The following GPATCH2 variants were observed in gnomAD, a reference collection of about 807,000 sequenced individuals.
GPATCH2 encodes the protein G-patch domain containing 2.
A neutral mutation model predicts 58.0 loss-of-function variants in GPATCH2; 51 were observed. That is an observed-to-expected ratio of 0.88 (90% CI 0.70 to 1.11). The LOEUF (loss-of-function observed/expected upper bound fraction) is 1.11. Ranked by LOEUF, GPATCH2 falls within the 50% of genes most tolerant of loss-of-function variation. The pLI, the probability that GPATCH2 is intolerant of heterozygous loss-of-function variation, is 0.00. For synonymous variants in GPATCH2, 222 were observed against 218.5 expected (o/e 1.02, Z -0.14); for missense variants, 625 against 652.2 (o/e 0.96, Z 0.45).
chr1:217,442,315 G>T lies in GPATCH2; in HGVS notation c.1366+6934C>A, dbSNP rs552638111. ...ATGAGAACACATGGACACAGGGAGG[G>T]GACCATCACATACTGGGGCCTCTTG... On this transcript the variant is annotated intron_variant, in intron 9 of 9. Coordinates refer to ENST00000366935, the MANE Select transcript of GPATCH2 (RefSeq NM_018040.5). 2.6e-5 allele frequency among the ~76,000 whole-genome samples: 4 copies of T among 152,182 alleles called. No individual in the cohort carries two copies. In the East Asian group the frequency reaches 7.8e-4, roughly 29 times the overall value.
intron 5 of GPATCH2, among the ~76,000 whole-genome samples, chr1:217,515,256 C>A (rs894992285): frequency 1.3e-5 from 2 of 151,936 alleles, no homozygotes; most frequent in African/African-American, 4.8e-5. Context: ...CCACCACGCC[C>A]GGCTAATTTT....
chr1:217,510,120 A>G (rs879269218), intron 6 of GPATCH2, among the ~76,000 whole-genome samples: 2 of 152,194 alleles, frequency 1.3e-5, no homozygotes, highest in African/African-American at 2.4e-5. Context: ...GCTATACAAC[A>G]GTGGTCTTTA....
chr1:217,514,789 C>A (rs529714510), intron 6 of GPATCH2, 33 bp downstream of exon 6: 52 of 972,588 alleles, frequency 5.3e-5, no homozygotes, highest in Middle Eastern at 4.2e-4. Context: ...TAGAATACTC[C>A]AATAAGGTTA....
intron 5 of GPATCH2, among the ~76,000 whole-genome samples, chr1:217,552,998 A>C (rs1225571789): frequency 6.6e-6 from 1 of 152,166 alleles, no homozygotes; most frequent in Non-Finnish European, 1.5e-5. Flanking sequence ...TTACATATTT[A>C]AGTGATAATA....
At chr1:217,539,361 T>A (rs1178696215) in intron 5 of GPATCH2, among the ~76,000 whole-genome samples, 2 of 152,180 alleles carry the variant, frequency 1.3e-5, no homozygotes, top group Non-Finnish European at 2.9e-5. Context: ...CAATTTACTA[T>A]CTGGAGATTT....
chr1:217,529,940 A>G (rs1664106200), intron 5 of GPATCH2, among the ~76,000 whole-genome samples: 1 of 152,240 alleles, frequency 6.6e-6, no homozygotes, highest in Admixed American at 6.5e-5. Flanking sequence ...ACAAGTAGTA[A>G]AGTACTAAAT....
chr1:217,449,256 A>C lies in GPATCH2; in HGVS notation c.1359T>G (p.Thr453=), dbSNP rs1659543665. 1 of 1,572,760 alleles carries C rather than the reference A, an allele frequency of 6.4e-7. No homozygotes were observed. Among genetic ancestry groups the C allele is most frequent in the Admixed American group, 1.7e-5 (1 of 59,938 alleles). ...RRKAAPLPGP[T]TAGFVGENAQ... is the part of the protein sequence containing the mutation. The stretch of plus-strand genomic sequence containing the variant: ...ACCCTGCTTTTGTTTTACCTGCAGT[A>C]GTAGGTCCAGGCAAAGGTGCAGCTT... Residue 453 remains threonine (T), a synonymous_variant, in exon 9 of 10, where the codon ACT becomes ACG. Coordinates refer to ENST00000366935, the MANE Select transcript of GPATCH2 (RefSeq NM_018040.5).
chr1:217,622,085 T>C (rs1448040459), intron 1 of GPATCH2, among the ~76,000 whole-genome samples: 1 of 152,212 alleles, frequency 6.6e-6, no homozygotes, highest in Non-Finnish European at 1.5e-5. Context: ...ACGATCCCAG[T>C]GGCCAGTTTG....
intron 5 of GPATCH2, among the ~76,000 whole-genome samples, chr1:217,606,938 C>G (rs1346525634): frequency 6.6e-6 from 1 of 152,046 alleles, no homozygotes; most frequent in Non-Finnish European, 1.5e-5. Flanking sequence ...CCTGACGACA[C>G]TTATGCAAAA....
intron 5 of GPATCH2, among the ~76,000 whole-genome samples, chr1:217,535,783 C>T (rs1664430485): frequency 1.3e-5 from 2 of 152,040 alleles, no homozygotes; most frequent in African/African-American, 2.4e-5. Context: ...ACGAGAACAA[C>T]CCCCAGTGTA....
intron 5 of GPATCH2, among the ~76,000 whole-genome samples, chr1:217,523,578 T>G (rs1389877332): frequency 6.6e-6 from 1 of 151,770 alleles, no homozygotes; most frequent in East Asian, 1.9e-4. Context: ...TACCTCTTTC[T>G]ACACAGACAC....
intron 5 of GPATCH2, among the ~76,000 whole-genome samples, chr1:217,530,719 T>A (rs1664145062): frequency 6.6e-6 from 1 of 152,218 alleles, no homozygotes; most frequent in Non-Finnish European, 1.5e-5. Context: ...ACACTCAATG[T>A]TTAAAAATAG....
chr1:217,576,150 T>C (rs1054007190), intron 5 of GPATCH2, among the ~76,000 whole-genome samples: 1 of 152,166 alleles, frequency 6.6e-6, no homozygotes, highest in Non-Finnish European at 1.5e-5. Flanking sequence ...CCTGATTATG[T>C]ACCTCCTATC....
intron 8 of GPATCH2, among the ~76,000 whole-genome samples, chr1:217,465,903 T>G (rs1326959141): frequency 1.3e-5 from 2 of 152,146 alleles, no homozygotes; most frequent in Non-Finnish European, 2.9e-5. Context: ...AAAAGGAAAA[T>G]GCACATTGAG....
intron 5 of GPATCH2, among the ~76,000 whole-genome samples, chr1:217,543,083 C>A (rs911420440): frequency 1.3e-5 from 2 of 152,052 alleles, no homozygotes; most frequent in Non-Finnish European, 2.9e-5. Flanking sequence ...GTCCACTTAG[C>A]CTTATTTCAT....
chr1:217,495,903 G>T (rs943924387), intron 7 of GPATCH2, among the ~76,000 whole-genome samples: 1 of 152,182 alleles, frequency 6.6e-6, no homozygotes, highest in African/African-American at 2.4e-5. Flanking sequence ...AGAATAGCAA[G>T]AAAGAAGAAT....
chr1:217,619,037 T>G (rs1669047712), intron 2 of GPATCH2, among the ~76,000 whole-genome samples: 1 of 152,056 alleles, frequency 6.6e-6, no homozygotes, highest in Non-Finnish European at 1.5e-5. Context: ...TACAGACTGT[T>G]TTTTTCTGGC....
chr1:217,443,722 C>G (rs1029935027), intron 9 of GPATCH2, among the ~76,000 whole-genome samples: 2 of 152,076 alleles, frequency 1.3e-5, no homozygotes, highest in Admixed American at 1.3e-4. Context: ...CTCTGTGCTG[C>G]TTTTATGTAG....
chr1:217,548,303 T>C (rs760948290), intron 5 of GPATCH2, among the ~76,000 whole-genome samples: 37 of 151,986 alleles, frequency 2.4e-4, no homozygotes, highest in Non-Finnish European at 4.9e-4. Context: ...AAAAAACCAA[T>C]GGGTACTAGA....
Sources: allele counts gnomAD v4.1 joint callset (sites outside exome capture counted in the v4.1 genomes callset), GRCh38; gene constraint gnomAD v4.1.1; transcripts MANE v1.5; gene names NCBI Gene and HGNC (gene_info 2026-07-23, HGNC 2026-07-21).